RPA3: variants seen among roughly 807,000 people sequenced by gnomAD.
The protein encoded by RPA3 is replication protein A3.
In RPA3, 24 loss-of-function variants were observed where a neutral mutation model predicts 13.7. The observed-to-expected ratio is 1.75, with a 90% confidence interval of 1.27 to 2.46. The LOEUF is 2.46. Ranked by LOEUF, RPA3 falls within the 30% of genes most tolerant of loss-of-function variation. The probability of loss-of-function intolerance (pLI) is 0.00; values close to 1 mark genes in which losing one functional copy is unlikely to be tolerated. For missense variants in RPA3, 183 were observed against 151.0 expected (o/e 1.21, Z -1.11); for synonymous variants, 59 against 51.2 (o/e 1.15, Z -0.65).
At chr7:7,661,913 C>G (rs1785484076) in intron 4 of RPA3, among the ~76,000 whole-genome samples, 1 of 152,116 alleles carries the variant, frequency 6.6e-6, no homozygotes, top group Non-Finnish European at 1.5e-5. Flanking sequence ...CCACAGCTGC[C>G]CCTTCCCCCG....
At chr7:7,650,642 A>C (rs767044233) in intron 4 of RPA3, among the ~76,000 whole-genome samples, 5 of 152,244 alleles carry the variant, frequency 3.3e-5, no homozygotes, top group Admixed American at 6.5e-5. Flanking sequence ...TACCACAGTT[A>C]ATAAGTAAAA....
At chr7:7,647,793 C>T (rs1017358823) in intron 4 of RPA3, among the ~76,000 whole-genome samples, 7 of 152,058 alleles carry the variant, frequency 4.6e-5, no homozygotes, top group African/African-American at 1.4e-4. Context: ...TTTGTAGAGA[C>T]GGGTTCTTTC....
intron 2 of RPA3, among the ~76,000 whole-genome samples, chr7:7,704,256 A>G (rs151009039): frequency 1.7e-3 from 260 of 152,342 alleles, no homozygotes; most frequent in African/African-American, 5.9e-3. Flanking sequence ...TTTGGAAAAT[A>G]TAGTCATTTT....
At chr7:7,716,706 G>A (rs1388299531) in intron 1 of RPA3, among the ~76,000 whole-genome samples, 3 of 152,242 alleles carry the variant, frequency 2.0e-5, no homozygotes, top group Non-Finnish European at 2.9e-5. Context: ...AGCACTTTGG[G>A]AGGCCGAGGC....
intron 4 of RPA3, among the ~76,000 whole-genome samples, chr7:7,646,315 C>G (rs1035552872): frequency 1.3e-5 from 2 of 151,578 alleles, no homozygotes; most frequent in Admixed American, 6.6e-5. Context: ...GTGCCCCACT[C>G]AAATCTCATC....
intron 2 of RPA3, among the ~76,000 whole-genome samples, chr7:7,712,024 G>T (rs1015938404): frequency 6.6e-6 from 1 of 151,726 alleles, no homozygotes; most frequent in African/African-American, 2.4e-5. Flanking sequence ...TTTTCTTCAC[G>T]TATCTTCCAA....
intron 4 of RPA3, among the ~76,000 whole-genome samples, chr7:7,665,770 A>G (rs1191772174): frequency 6.6e-6 from 1 of 151,606 alleles, no homozygotes; most frequent in East Asian, 1.9e-4. Flanking sequence ...AGAAGCTTAT[A>G]TAAATGGAAT....
At chr7:7,651,478 C>A (rs1188065532) in intron 4 of RPA3, among the ~76,000 whole-genome samples, 1 of 152,152 alleles carries the variant, frequency 6.6e-6, no homozygotes, top group East Asian at 1.9e-4. Context: ...AGGGAACTGT[C>A]CTCTTCTGTC....
At chr7:7,660,570 T>G (rs1785449203) in intron 4 of RPA3, among the ~76,000 whole-genome samples, 1 of 152,214 alleles carries the variant, frequency 6.6e-6, no homozygotes, top group Non-Finnish European at 1.5e-5. Context: ...AAGCTTAGTT[T>G]GGCTGGATAT....
In RPA3 at chr7:7,715,242, C is replaced by T. The variant is rs1228681685; in HGVS notation, c.-1079-16G>A. The T allele has an allele frequency of 6.6e-6, 1 of 152,072 alleles. No homozygotes were observed. The highest frequency in any genetic ancestry group is 2.4e-5 in the African/African-American group (1 of 41,400). 9.4% of individuals were successfully genotyped at this position (152,072 alleles called of 1,614,324 possible). A position where few individuals can be genotyped will look rare whatever the true frequency, so the allele number is the denominator to read the frequency against. ...TTCTGAGTACCTGAGACAAAGTGAA[C>T]TACAAGTAGGATAAGAACTGAAAAG... On this transcript the variant is annotated splice_polypyrimidine_tract_variant and intron_variant, in intron 1 of 7. Coordinates refer to ENST00000223129, the MANE Select transcript of RPA3 (RefSeq NM_002947.5).
rs538490043 is a variant in RPA3, at chr7:7,705,023, G to A, written c.-1028+10152C>T. Among the ~76,000 whole-genome samples, 91 of 152,274 alleles carry A rather than the reference G, an allele frequency of 6.0e-4. No individual in the cohort carries two copies. The South Asian group carries it at 0.018, about 31-fold the overall frequency. ...AAGGGCGCTGATTGTGAACCATGGT[G>A]CTTCTTGGCATCTGTAACACAGGAC... On this transcript the variant is annotated intron_variant, in intron 2 of 7. Coordinates refer to ENST00000223129, the MANE Select transcript of RPA3 (RefSeq NM_002947.5).
chr7:7,643,711 C>G (rs1389957586), intron 4 of RPA3, among the ~76,000 whole-genome samples: 2 of 66,964 alleles, frequency 3.0e-5, no homozygotes, highest in Non-Finnish European at 5.5e-5. Flanking sequence ...GACTCCCTCT[C>G]AAAAAAAAAA....
Position 7,640,553 on chromosome 7 carries a change from C to G in RPA3, c.-135G>C. ...GCTCCAGCTTCGCCAATTAAATGCG[C>G]GGAAACCTAAATCGCAATCGCGCTG... On this transcript the variant is annotated 5_prime_UTR_variant, in exon 5 of 8. Transcript: ENST00000223129. 5 of 773,798 alleles carry G rather than the reference C, an allele frequency of 6.5e-6. No homozygotes were observed. Among genetic ancestry groups the G allele is most frequent in the Non-Finnish European group, 1.1e-5 (5 of 467,022 alleles). 47.9% of individuals were successfully genotyped at this position (773,798 alleles called of 1,614,324 possible).
chr7:7,668,840 C>T (rs1779534673), intron 4 of RPA3, among the ~76,000 whole-genome samples: 1 of 152,188 alleles, frequency 6.6e-6, no homozygotes, highest in East Asian at 1.9e-4. Flanking sequence ...GCTCTTCTGG[C>T]AGCTTAAGCC....
chr7:7,691,756 C>T (rs1158265292), intron 2 of RPA3, among the ~76,000 whole-genome samples: 6 of 152,202 alleles, frequency 3.9e-5, no homozygotes, highest in Admixed American at 2.6e-4. Flanking sequence ...TAATCTTTAT[C>T]GAATTAAAAT....
chr7:7,680,258 A>G (rs936970518), intron 4 of RPA3, among the ~76,000 whole-genome samples: 3 of 152,106 alleles, frequency 2.0e-5, no homozygotes, highest in African/African-American at 7.2e-5. Flanking sequence ...TCTTCTGCAT[A>G]TAGATATCCA....
chr7:7,658,599 A>G (rs1021539470), intron 4 of RPA3, among the ~76,000 whole-genome samples: 2 of 152,132 alleles, frequency 1.3e-5, no homozygotes, highest in African/African-American at 4.8e-5. Flanking sequence ...CTCTGTTTAT[A>G]TGCTGGATTA....
chr7:7,684,204 C>A (rs562458456), intron 4 of RPA3, among the ~76,000 whole-genome samples: 9 of 151,500 alleles, frequency 5.9e-5, no homozygotes, highest in Non-Finnish European at 1.0e-4. Flanking sequence ...AGCACAGATG[C>A]AATTTTTTTT....
At chr7:7,638,486 T>G (rs946585347) in intron 6 of RPA3, 1 of 152,870 alleles carries the variant, frequency 6.5e-6, no homozygotes, top group Non-Finnish European at 1.5e-5. Flanking sequence ...GAGGATTGCT[T>G]GAGACCGAGA....
Sources: allele counts gnomAD v4.1 joint callset (sites outside exome capture counted in the v4.1 genomes callset), GRCh38; gene constraint gnomAD v4.1.1; transcripts MANE v1.5; gene names NCBI Gene and HGNC (gene_info 2026-07-23, HGNC 2026-07-21).